Variants in GRM2 observed in about 807,000 individuals in gnomAD.
The protein encoded by GRM2 is metabotropic glutamate receptor 2.
GRM2 carries 35 observed loss-of-function variants against 60.4 expected under a neutral mutation model. The observed-to-expected ratio is 0.58, with a 90% CI of 0.44 to 0.77. The LOEUF (loss-of-function observed/expected upper bound fraction) is 0.77. GRM2 is among the 30% of genes least tolerant of loss of function. The pLI is 0.00. For missense variants in GRM2, 925 were observed against 1,199.5 expected (o/e 0.77, Z 3.38); for synonymous variants, 437 against 484.1 (o/e 0.90, Z 1.28).
intron 3 of GRM2, chr3:51,714,165 G>A (rs953161919): frequency 7.3e-6 from 2 of 274,096 alleles, no homozygotes; most frequent in Non-Finnish European, 1.5e-5. Context: ...TACAATCAGT[G>A]TAGGGGTTAG....
In GRM2 at chr3:51,715,930, G is replaced by A. The variant is rs1245668383; in HGVS notation, c.2157G>A (p.Leu719=). The change falls in exon 4 of 6, where the codon CTG becomes CTA. Residue 719 remains leucine (L), a synonymous_variant. Transcript: ENST00000395052. The surrounding 1 kb of genome is among the most constrained non-coding windows in gnomAD (Gnocchi z 9.0). ...TAPERREVVT[L]RCNHRDASML... is the part of the protein sequence containing the mutation. ...CCGAACGGCGGGAGGTGGTGACACT[G>A]CGCTGCAACCACCGCGATGCAAGTA... 7 of 1,613,800 alleles carry A rather than the reference G, an allele frequency of 4.3e-6. No individual in the cohort carries two copies. The highest frequency in any genetic ancestry group is 5.9e-6 in the Non-Finnish European group (7 of 1,180,006).
Position 51,716,045 on chromosome 3 carries a change from G to T in GRM2, c.2272G>T (p.Glu758Ter). The change falls in exon 4 of 6, where the codon GAG (glutamate) becomes TAG (stop). Residue 758 changes from glutamate to a stop codon, truncating the protein, a stop_gained. Coordinates refer to ENST00000395052, the MANE Select transcript of GRM2 (RefSeq NM_000839.5). LOFTEE classifies it high-confidence loss of function. This position sits in a 1 kb window ranked among gnomAD's most constrained non-coding sequence, Gnocchi z 4.0. ...KTRKCPENFN[E>*]AKFIGFTMYT... Reference sequence around the variant, plus strand: ...TCGCAAGTGCCCCGAAAACTTCAACGAGGCCAAGTTCATTGGCTTCACCAT... The same window carrying T: ...TCGCAAGTGCCCCGAAAACTTCAACTAGGCCAAGTTCATTGGCTTCACCAT... The T allele has an allele frequency of 6.2e-7, 1 of 1,614,218 alleles. No homozygotes were observed. The highest frequency in any genetic ancestry group is 8.5e-7 in the Non-Finnish European group (1 of 1,180,046).
chr3:51,715,118 G>C lies in GRM2; in HGVS notation c.1345G>C (p.Gly449Arg). 6.2e-7 allele frequency: 1 copy of C among 1,601,348 alleles called. No individual in the cohort carries two copies. The highest frequency in any genetic ancestry group is 1.3e-5 in the African/African-American group (1 of 74,756). The stretch of plus-strand genomic sequence containing the variant: ...GGTCCGCTTTGACCGCTTTGGTGAT[G>C]GTATTGGCCGCTACAACATCTTCAC... ...NEVRFDRFGD[G>R]IGRYNIFTYL... is the part of the protein sequence containing the mutation. The change falls in exon 4 of 6, where the codon GGT becomes CGT. Residue 449 changes from glycine to arginine, a missense_variant. By Grantham distance (125) the Gly-to-Arg change is moderately radical. Coordinates refer to ENST00000395052, the MANE Select transcript of GRM2 (RefSeq NM_000839.5). The surrounding 1 kb of genome is among the most constrained non-coding windows in gnomAD (Gnocchi z 9.0).
rs1013326953 is a variant in GRM2, at chr3:51,713,876, T to C, written c.1288+566T>C. ...GGCTCAAGCGATCCTTCTGCCTCAG[T>C]CTCCAGAGTAGCTAGGATGACAGGC... On this transcript the variant is annotated intron_variant, in intron 3 of 5. Transcript: ENST00000395052. This position sits in a 1 kb window ranked among gnomAD's most constrained non-coding sequence, Gnocchi z 4.8. 2.0e-5 allele frequency: 8 copies of C among 406,398 alleles called. No individual in the cohort carries two copies. In the East Asian group the frequency reaches 6.1e-4, roughly 31 times the overall value. 25.2% of individuals were successfully genotyped at this position (406,398 alleles called of 1,614,324 possible). A position where few individuals can be genotyped will look rare whatever the true frequency, so the allele number is the denominator to read the frequency against.
Position 51,718,105 on chromosome 3 carries a change from C to T in GRM2, c.2612C>T (p.Ser871Leu), listed in dbSNP as rs1193482971. 6.8e-6 allele frequency: 11 copies of T among 1,613,604 alleles called. No individual in the cohort carries two copies. The highest frequency in any genetic ancestry group is 2.2e-5 in the East Asian group (1 of 44,894). ...GREVVDSTTS[S>L]L ...GAGGTGGTGGACTCGACAACGTCATCGCTTTGAAGACCCCATACTCCCGCC... is the reference window on the plus strand; with the variant it reads ...GAGGTGGTGGACTCGACAACGTCATTGCTTTGAAGACCCCATACTCCCGCC... Residue 871 changes from serine (S) to leucine (L), a missense_variant, in exon 6 of 6, where the codon TCG (serine) becomes TTG (leucine). Physicochemically the swap from Ser to Leu is moderately radical, Grantham distance 145 (BLOSUM62 -2). Coordinates refer to ENST00000395052, the MANE Select transcript of GRM2 (RefSeq NM_000839.5). The surrounding 1 kb of genome is among the most constrained non-coding windows in gnomAD (Gnocchi z 4.2).
chr3:51,711,986 AC>A (rs1703725887), intron 2 of GRM2, among the ~76,000 whole-genome samples: 1 of 152,100 alleles, frequency 6.6e-6, no homozygotes, highest in South Asian at 2.1e-4. Context: ...GGGCCACCGG[AC>A]CCTGGGATCT....
Position 51,709,420 on chromosome 3 carries a change from A to T in GRM2, c.437A>T (p.Asp146Val). 4 of 1,554,080 alleles carry T rather than the reference A, an allele frequency of 2.6e-6. No individual in the cohort carries two copies. The highest frequency in any genetic ancestry group is 3.5e-6 in the Non-Finnish European group (4 of 1,140,116). Residue 146 changes from aspartate to valine, a missense_variant, in exon 2 of 6, where the codon GAT becomes GTT. Physicochemically the swap from Asp to Val is radical, Grantham distance 152. Coordinates refer to ENST00000395052, the MANE Select transcript of GRM2 (RefSeq NM_000839.5). ...ITGVIGGSYS[D>V]VSIQVANLLR... is the part of the protein sequence containing the mutation. ...GGTGTTATTGGCGGTTCCTACAGTG[A>T]TGTCTCCATCCAGGTACGTGGAAGC... is the stretch of plus-strand genomic sequence containing the variant.
chr3:51,713,477 ACTGAAGCTACGG>A lies in GRM2; in HGVS notation c.1288+172_1288+183del. 1.7e-6 allele frequency: 1 copy of A among 601,818 alleles called. No individual in the cohort carries two copies. Among genetic ancestry groups the A allele is most frequent in the Non-Finnish European group, 2.9e-6 (1 of 340,204 alleles). The allele number at this position is 601,818 out of a possible 1,614,324, so 37.3% of individuals were successfully genotyped here. ...AGGATGCTAGGCAGAGAGGACTCCA[ACTGAAGCTACGG>A]CTGAGGTTCCACTTTCTTCCAGAGA... On this transcript the variant is annotated intron_variant, in intron 3 of 5. Transcript: ENST00000395052. This position sits in a 1 kb window ranked among gnomAD's most constrained non-coding sequence, Gnocchi z 4.8.
At chr3:51,714,662 T>G in intron 3 of GRM2, 2 of 165,790 alleles carry the variant, frequency 1.2e-5, no homozygotes, top group Non-Finnish European at 2.6e-5. Context: ...AGCCTTAGCA[T>G]TGAGTTTGGG....
rs148405091 is a variant in GRM2, at chr3:51,715,978, T to C, written c.2205T>C (p.Asn735=). Reference sequence around the variant, plus strand: ...GTATGTTGGGCTCGCTGGCCTACAATGTGCTCCTCATCGCGCTCTGCACGC... The same window carrying C: ...GTATGTTGGGCTCGCTGGCCTACAACGTGCTCCTCATCGCGCTCTGCACGC... ...DASMLGSLAY[N]VLLIALCTLY... Residue 735 remains asparagine, a synonymous_variant, in exon 4 of 6, where the codon AAT becomes AAC. Coordinates refer to ENST00000395052, the MANE Select transcript of GRM2 (RefSeq NM_000839.5). The surrounding 1 kb of genome is among the most constrained non-coding windows in gnomAD (Gnocchi z 9.0). 9.4e-5 allele frequency: 152 copies of C among 1,614,178 alleles called. 1 individual carries two copies. The East Asian group carries it at 2.7e-3, about 28-fold the overall frequency.
Position 51,716,075 on chromosome 3 carries a change from A to G in GRM2, c.2302A>G (p.Thr768Ala). Reference sequence around the variant, plus strand: ...CAAGTTCATTGGCTTCACCATGTACACCACCTGCATCATCTGGCTGGCATT... The same window carrying G: ...CAAGTTCATTGGCTTCACCATGTACGCCACCTGCATCATCTGGCTGGCATT... Reference protein sequence around the residue: ...EAKFIGFTMYTTCIIWLAFLP... With the variant: ...EAKFIGFTMYATCIIWLAFLP... The change falls in exon 4 of 6, where the codon ACC (threonine) becomes GCC (alanine). Residue 768 changes from threonine to alanine, a missense_variant. Physicochemically the swap from Thr to Ala is moderately conservative, Grantham distance 58 (BLOSUM62 0). Coordinates refer to ENST00000395052, the MANE Select transcript of GRM2 (RefSeq NM_000839.5). The surrounding 1 kb of genome is among the most constrained non-coding windows in gnomAD (Gnocchi z 4.0). 6.2e-7 allele frequency: 1 copy of G among 1,614,172 alleles called. No individual in the cohort carries two copies. Among genetic ancestry groups the G allele is most frequent in the Non-Finnish European group, 8.5e-7 (1 of 1,180,030 alleles).
At chr3:51,708,568 CTCCTG>C (rs1161443903) in intron 1 of GRM2, 2 of 169,206 alleles carry the variant, frequency 1.2e-5, no homozygotes, top group Non-Finnish European at 2.5e-5. Context: ...TGGCTGGGGT[CTCCTG>C]TCCTCTGCCT....
chr3:51,718,007 A>C lies in GRM2; in HGVS notation c.2546-32A>C. ...CCTGCCCTCCATGGAGGACCTCGGG[A>C]TTGGCCCCAACCTCTGGCTTCCTTT... On this transcript the variant is annotated intron_variant, in intron 5 of 5. Transcript: ENST00000395052. The surrounding 1 kb of genome is among the most constrained non-coding windows in gnomAD (Gnocchi z 4.2). 6.2e-7 allele frequency: 1 copy of C among 1,605,150 alleles called. No individual in the cohort carries two copies.
rs1407249080 is a variant in GRM2, at chr3:51,715,955, A to G, written c.2182A>G (p.Met728Val). 1.2e-6 allele frequency: 2 copies of G among 1,614,110 alleles called. No homozygotes were observed. Among genetic ancestry groups the G allele is most frequent in the East Asian group, 2.2e-5 (1 of 44,878 alleles). Residue 728 changes from methionine to valine, a missense_variant, in exon 4 of 6, where the codon ATG (methionine) becomes GTG (valine). By Grantham distance (21) the Met-to-Val change is conservative (BLOSUM62 1). Coordinates refer to ENST00000395052, the MANE Select transcript of GRM2 (RefSeq NM_000839.5). The surrounding 1 kb of genome is among the most constrained non-coding windows in gnomAD (Gnocchi z 9.0). ...GCGCTGCAACCACCGCGATGCAAGT[A>G]TGTTGGGCTCGCTGGCCTACAATGT... ...TLRCNHRDAS[M>V]LGSLAYNVLL...
rs1273225852 is a variant in GRM2 at position 51,712,016 on chromosome 3, G to A, written c.451-457G>A. On this transcript the variant is annotated intron_variant, in intron 2 of 5. Coordinates refer to ENST00000395052, the MANE Select transcript of GRM2 (RefSeq NM_000839.5). This position sits in a 1 kb window ranked among gnomAD's most constrained non-coding sequence, Gnocchi z 5.3. ...GGGATCTGTGTCTTTCTTCCTAGGG[G>A]AAACTTTTCCTTCTTTCTGTATCAT... 2.0e-5 allele frequency among the ~76,000 whole-genome samples: 3 copies of A among 152,186 alleles called. No homozygotes were observed. The highest frequency in any genetic ancestry group is 1.5e-5 in the Non-Finnish European group (1 of 68,024).
At chr3:51,714,108 G>C in intron 3 of GRM2, 1 of 367,406 alleles carries the variant, frequency 2.7e-6, no homozygotes, top group South Asian at 2.0e-5. Context: ...CCTGGCCCAG[G>C]GTTAAGATGA....
Position 51,712,334 on chromosome 3 carries a change from G to T in GRM2, c.451-139G>T. Reference sequence around the variant, plus strand: ...CCCAGAGGGAAGACTGTCAAGTCAGGATGCAGGGCTTTAGAGAGGGAGCCT... The same window carrying T: ...CCCAGAGGGAAGACTGTCAAGTCAGTATGCAGGGCTTTAGAGAGGGAGCCT... On this transcript the variant is annotated intron_variant, in intron 2 of 5. Coordinates refer to ENST00000395052, the MANE Select transcript of GRM2 (RefSeq NM_000839.5). The surrounding 1 kb of genome is among the most constrained non-coding windows in gnomAD (Gnocchi z 5.3). 4.4e-6 allele frequency: 3 copies of T among 677,176 alleles called. No homozygotes were observed. Among genetic ancestry groups the T allele is most frequent in the Non-Finnish European group, 7.9e-6 (3 of 380,102 alleles). 41.9% of individuals were successfully genotyped at this position (677,176 alleles called of 1,614,324 possible).
chr3:51,716,102 C>T lies in GRM2; in HGVS notation c.2329C>T (p.Leu777=). 1 of 1,614,154 alleles carries T rather than the reference C, an allele frequency of 6.2e-7. No homozygotes were observed. The highest frequency in any genetic ancestry group is 8.5e-7 in the Non-Finnish European group (1 of 1,179,958). The change falls in exon 4 of 6, where the codon CTG becomes TTG. Residue 777 remains leucine, a synonymous_variant. Transcript: ENST00000395052. The surrounding 1 kb of genome is among the most constrained non-coding windows in gnomAD (Gnocchi z 4.0). ...CACCTGCATCATCTGGCTGGCATTC[C>T]TGCCCATCTTCTATGTCACCTCCAG... ...YTTCIIWLAF[L]PIFYVTSSDY...
intron 3 of GRM2, chr3:51,714,765 T>G: frequency 6.6e-6 from 2 of 303,172 alleles, no homozygotes; most frequent in Non-Finnish European, 1.2e-5. Context: ...TGGGGAGTCA[T>G]GGTTGGGGAT....
Sources: gnomAD v4.1 joint callset for allele counts (sites outside exome capture counted in the v4.1 genomes callset) on GRCh38, gnomAD v4.1.1 for gene constraint, Gnocchi (gnomAD v3.1) non-coding constraint, MANE v1.5 for transcripts, NCBI Gene and HGNC (gene_info 2026-07-23, HGNC 2026-07-21) for gene names.